FOXN3: variants seen among roughly 807,000 people sequenced by gnomAD.
FOXN3 encodes the protein forkhead box N3.
In FOXN3, 7 loss-of-function variants were observed where a neutral mutation model predicts 38.4. That is an observed-to-expected ratio of 0.18 (90% CI 0.10 to 0.34). FOXN3 has a LOEUF of 0.34. Ranked by LOEUF, FOXN3 falls within the 10% of genes least tolerant of loss-of-function variation. The pLI is 1.00. For synonymous variants in FOXN3, 230 were observed against 242.2 expected, an observed-to-expected ratio of 0.95 and a Z score of 0.47; for missense variants, 456 against 613.4, an observed-to-expected ratio of 0.74 and a Z score of 2.71.
intron 4 of FOXN3, among the ~76,000 whole-genome samples, chr14:89,235,214 T>C (rs1401904506): frequency 6.6e-6 from 1 of 152,152 alleles, no homozygotes; most frequent in Non-Finnish European, 1.5e-5. Context: ...AACATCACCA[T>C]GGAGAGGGCC....
At chr14:89,375,594 CACA>C (rs1890457067) in intron 2 of FOXN3, among the ~76,000 whole-genome samples, 1 of 151,948 alleles carries the variant, frequency 6.6e-6, no homozygotes, top group African/African-American at 2.4e-5. Flanking sequence ...TAAATGTGTT[CACA>C]ACATTAATAG....
intron 4 of FOXN3, among the ~76,000 whole-genome samples, chr14:89,239,214 A>C (rs1449576248): frequency 6.6e-6 from 1 of 152,194 alleles, no homozygotes; most frequent in East Asian, 1.9e-4. Flanking sequence ...CAATTTTCCT[A>C]GTTGTAAATA....
chr14:89,535,202 C>T (rs917296967), intron 1 of FOXN3, among the ~76,000 whole-genome samples: 5 of 98,384 alleles, frequency 5.1e-5, no homozygotes, highest in African/African-American at 1.2e-4. Context: ...CTTTTCTTTC[C>T]TCTTTTTTTT....
At chr14:89,445,809 G>A (rs1443305478) in intron 1 of FOXN3, among the ~76,000 whole-genome samples, 1 of 152,026 alleles carries the variant, frequency 6.6e-6, no homozygotes, top group African/African-American at 2.4e-5. Context: ...GGCTGAGCAT[G>A]GTGGCTCACA....
At chr14:89,609,232 C>A (rs1444128065) in intron 1 of FOXN3, among the ~76,000 whole-genome samples, 2 of 152,134 alleles carry the variant, frequency 1.3e-5, no homozygotes, top group East Asian at 3.9e-4. Context: ...GACAGGGTCT[C>A]GCTCTGTCAC....
At chr14:89,285,123 C>T (rs1886583210) in intron 3 of FOXN3, among the ~76,000 whole-genome samples, 1 of 152,214 alleles carries the variant, frequency 6.6e-6, no homozygotes, top group Non-Finnish European at 1.5e-5. Context: ...AGACACACAC[C>T]TGTATTCACC....
At chr14:89,506,581 A>G (rs1235452050) in intron 1 of FOXN3, among the ~76,000 whole-genome samples, 4 of 151,342 alleles carry the variant, frequency 2.6e-5, no homozygotes, top group Non-Finnish European at 5.9e-5. Flanking sequence ...CCTACTGGGA[A>G]GTGAGGAGCC....
Position 89,304,971 on chromosome 14 carries a change from C to G in FOXN3, c.681-23957G>C, listed in dbSNP as rs552632498. Among the ~76,000 whole-genome samples the G allele has an allele frequency of 3.0e-3, 435 of 144,892 alleles. 5 individuals carry two copies. The highest frequency in any genetic ancestry group is 0.01 in the African/African-American group (395 of 38,158). ...AAAAAAAAAAAAAAAAAAGTACCAA[C>G]CAAATAAATAGTGTTTTTTCTTCCT... On this transcript the variant is annotated intron_variant, in intron 3 of 5. Transcript: ENST00000557258.
In FOXN3 at chr14:89,159,194, T is replaced by TC. The variant is rs1887043951; in HGVS notation, c.*3219dup. On this transcript the variant is annotated 3_prime_UTR_variant, in exon 6 of 6. Coordinates refer to ENST00000557258, the MANE Select transcript of FOXN3 (RefSeq NM_005197.4). ...GTTAAGGACACGGACAACCTCATTCTCCAATAAATTCACTACAAACAGCCA... is the reference window on the plus strand; with the variant it reads ...GTTAAGGACACGGACAACCTCATTCTCCCAATAAATTCACTACAAACAGCCA... 1 of 152,678 alleles carries TC rather than the reference T, an allele frequency of 6.5e-6. No individual in the cohort carries two copies. The allele number at this position is 152,678 out of a possible 1,614,324, so 9.5% of individuals were successfully genotyped here. A position where few individuals can be genotyped will look rare whatever the true frequency, so the allele number is the denominator to read the frequency against.
chr14:89,235,733 A>T (rs933757923), intron 4 of FOXN3, among the ~76,000 whole-genome samples: 1 of 151,766 alleles, frequency 6.6e-6, no homozygotes, highest in Non-Finnish European at 1.5e-5. Context: ...GAGTGATTTC[A>T]TGTGAGAAGA....
intron 4 of FOXN3, among the ~76,000 whole-genome samples, chr14:89,193,005 G>C (rs1180630897): frequency 6.6e-6 from 1 of 151,940 alleles, no homozygotes; most frequent in Admixed American, 6.6e-5. Context: ...AGTTCCTAAG[G>C]GGGGCTGTTA....
chr14:89,497,250 C>G (rs1318415396), intron 1 of FOXN3, among the ~76,000 whole-genome samples: 9 of 152,214 alleles, frequency 5.9e-5, no homozygotes, highest in Non-Finnish European at 1.3e-4. Context: ...CCACCATGCC[C>G]AGCCAATTTT....
At position 89,267,029 on chromosome 14, in the gene FOXN3, G is replaced by A. The variant is rs139858169; in HGVS notation, c.745+13921C>T. Among the ~76,000 whole-genome samples, 194 of 152,246 alleles carry A rather than the reference G, an allele frequency of 1.3e-3. 4 individuals are homozygous for A. In the East Asian group the frequency reaches 0.032, roughly 25 times the overall value. On this transcript the variant is annotated intron_variant, in intron 4 of 5. Coordinates refer to ENST00000557258, the MANE Select transcript of FOXN3 (RefSeq NM_005197.4). ...GGGGAAAAGTGATGAAGCAGGATGCGGGGAGAAAACATCACCATCTCCCTT... is the reference window on the plus strand; with the variant it reads ...GGGGAAAAGTGATGAAGCAGGATGCAGGGAGAAAACATCACCATCTCCCTT...
At chr14:89,354,530 G>C (rs950214375) in intron 2 of FOXN3, among the ~76,000 whole-genome samples, 7 of 146,524 alleles carry the variant, frequency 4.8e-5, no homozygotes, top group African/African-American at 1.8e-4. Flanking sequence ...CCCGGCCGTG[G>C]AGTGCTTTTT....
At chr14:89,316,059 G>A (rs980642743) in intron 3 of FOXN3, among the ~76,000 whole-genome samples, 4 of 152,252 alleles carry the variant, frequency 2.6e-5, no homozygotes, top group Non-Finnish European at 4.4e-5. Flanking sequence ...TGTGGTCCCC[G>A]CCAAAAGGAA....
intron 1 of FOXN3, among the ~76,000 whole-genome samples, chr14:89,600,707 G>A (rs1031682950): frequency 6.6e-6 from 1 of 152,084 alleles, no homozygotes; most frequent in Admixed American, 6.6e-5. Flanking sequence ...CATTAACAGA[G>A]GAAGTTAACT....
Position 89,162,664 on chromosome 14 carries a change from G to C in FOXN3, c.1157C>G (p.Ser386Cys), listed in dbSNP as rs1327613278. ...GGATGCGTACCCGCTGTCCCCCAGA[G>C]AATCCTTGGGCTCCTTCTGGCTGTG... Reference protein sequence around the residue: ...RKHSQKEPKDSLGDSGYASQH... With the variant: ...RKHSQKEPKDCLGDSGYASQH... Residue 386 changes from serine (S) to cysteine (C), a missense_variant, in exon 6 of 6, where the codon TCT becomes TGT. This residue lies in a region of FOXN3 where 386 missense variants were observed against 505.2 expected (regional missense o/e 0.76). Transcript: ENST00000557258. The surrounding 1 kb of genome is among the most constrained non-coding windows in gnomAD (Gnocchi z 7.2). The C allele has an allele frequency of 2.5e-6, 4 of 1,613,908 alleles. No homozygotes were observed. In the African/African-American group the frequency reaches 5.3e-5, roughly 22 times the overall value.
At chr14:89,428,148 CTGAATT>C (rs1892081922) in intron 1 of FOXN3, among the ~76,000 whole-genome samples, 1 of 152,180 alleles carries the variant, frequency 6.6e-6, no homozygotes, top group Non-Finnish European at 1.5e-5. Flanking sequence ...AGTAAGAGCT[CTGAATT>C]TGATGAACTC....
intron 1 of FOXN3, among the ~76,000 whole-genome samples, chr14:89,608,236 T>A (rs1447003124): frequency 1.3e-5 from 2 of 152,308 alleles, no homozygotes; most frequent in Non-Finnish European, 2.9e-5. Flanking sequence ...GACCTCGTGA[T>A]CTGCCCACCT....
Sources: gnomAD v4.1 joint callset for allele counts (sites outside exome capture counted in the v4.1 genomes callset) on GRCh38, gnomAD v4.1.1 for gene constraint, gnomAD v4.1.1 regional missense constraint, Gnocchi (gnomAD v3.1) non-coding constraint, MANE v1.5 for transcripts, NCBI Gene and HGNC (gene_info 2026-07-23, HGNC 2026-07-21) for gene names.